Variants in DMD observed in about 807,000 individuals in gnomAD.
The protein encoded by DMD is mutant dystrophin.
DMD carries 63 observed loss-of-function variants against 330.1 expected under a neutral mutation model. The ratio of observed to expected loss-of-function variants is 0.19; its 90% CI spans 0.16 to 0.24. DMD has a LOEUF of 0.24. Ranked by LOEUF, DMD falls within the 10% of genes least tolerant of loss-of-function variation. The probability of loss-of-function intolerance (pLI) is 1.00; values close to 1 mark genes in which losing one functional copy is unlikely to be tolerated. For synonymous variants in DMD, 1,223 were observed against 959.8 expected, an observed-to-expected ratio of 1.27 and a Z score of -5.07; for missense variants, 3,344 against 2,684.1, an observed-to-expected ratio of 1.25 and a Z score of -5.43.
chrX:31,204,363 C>A (rs2043840260), intron 66 of DMD, among the ~76,000 whole-genome samples: 1 of 112,810 alleles, frequency 8.9e-6, no homozygotes, highest in Admixed American at 9.4e-5. Flanking sequence ...GAAGCGCAAG[C>A]TTACACGTAC....
chrX:31,241,438 A>G lies in DMD; in HGVS notation c.9287-18317T>C, dbSNP rs758666484. ...GGCAGCACATACATTTATATGAGCC[A>G]CCAAAAATAAATTTTTCTAAGAAGA... On this transcript the variant is annotated intron_variant, in intron 63 of 78. Coordinates refer to ENST00000357033, the MANE Select transcript of DMD (RefSeq NM_004006.3). Among the ~76,000 whole-genome samples, 7 of 112,168 alleles carry G rather than the reference A, an allele frequency of 6.2e-5. No homozygotes were observed. In the South Asian group the frequency reaches 2.6e-3, roughly 42 times the overall value.
chrX:33,228,598 A>G (rs1056514009), intron 1 of DMD, among the ~76,000 whole-genome samples: 1 of 110,315 alleles, frequency 9.1e-6, no homozygotes, highest in African/African-American at 3.3e-5. Context: ...TACATTTTTA[A>G]ATAGAAGCAA....
intron 51 of DMD, among the ~76,000 whole-genome samples, chrX:31,732,654 T>C (rs148491655): frequency 2.2e-3 from 243 of 110,928 alleles, no homozygotes; most frequent in African/African-American, 7.6e-3. Flanking sequence ...ACACCTTAGA[T>C]CTAATCATTA....
At chrX:32,557,309 C>A (rs184690809) in intron 16 of DMD, among the ~76,000 whole-genome samples, 106 of 111,661 alleles carry the variant, frequency 9.5e-4, no homozygotes, top group Non-Finnish European at 1.6e-3. Flanking sequence ...TATTTGTATG[C>A]ATACACACAC....
chrX:31,121,239 A>AGATATAT lies in DMD; in HGVS notation c.*673_*679dup, dbSNP rs1384744442. ...AGTATTTATATACTTATAGACATATAGATATATGAAATGAAAACTCAAGCC... is the reference window on the plus strand; with the variant it reads ...AGTATTTATATACTTATAGACATATAGATATATGATATATGAAATGAAAACTCAAGCC... On this transcript the variant is annotated 3_prime_UTR_variant, in exon 79 of 79. Coordinates refer to ENST00000357033, the MANE Select transcript of DMD (RefSeq NM_004006.3). 8.8e-6 allele frequency: 1 copy of AGATATAT among 113,093 alleles called. No homozygotes were observed. Among genetic ancestry groups the AGATATAT allele is most frequent in the Non-Finnish European group, 1.9e-5 (1 of 53,924 alleles). The allele number at this position is 113,093 out of a possible 1,213,427, so 9.3% of individuals were successfully genotyped here. A position where few individuals can be genotyped will look rare whatever the true frequency, so the allele number is the denominator to read the frequency against.
chrX:32,891,921 C>G lies in DMD; in HGVS notation c.94-42101G>C. Among the ~76,000 whole-genome samples the G allele has an allele frequency of 1.8e-5, 2 of 111,234 alleles. 1 individual carries two copies. Among genetic ancestry groups the G allele is most frequent in the Middle Eastern group, 9.4e-3 (2 of 213 alleles). On this transcript the variant is annotated intron_variant, in intron 2 of 78. Transcript: ENST00000357033. ...CAGACCTGGAATCCTGCCATCCTCT[C>G]GCGTCATAGTTTGGGGGTTACTGCC...
intron 44 of DMD, among the ~76,000 whole-genome samples, chrX:32,178,607 C>A (rs1450716203): frequency 1.8e-5 from 2 of 110,371 alleles, no homozygotes; most frequent in Middle Eastern, 4.8e-3. Context: ...ACCTACATTG[C>A]CCCATTTCCT....
intron 4 of DMD, among the ~76,000 whole-genome samples, chrX:32,843,126 G>T (rs1400269177): frequency 3.6e-5 from 4 of 112,045 alleles, no homozygotes; most frequent in Non-Finnish European, 7.5e-5. Context: ...TTTTCTTTAT[G>T]CAGGATTGAG....
At chrX:31,942,451 CT>C (rs2095019849) in intron 45 of DMD, among the ~76,000 whole-genome samples, 1 of 112,217 alleles carries the variant, frequency 8.9e-6, no homozygotes, top group Non-Finnish European at 1.9e-5. Flanking sequence ...ACTTCTATTT[CT>C]TCATCTTTCT....
Position 31,929,676 on chromosome X carries a change from G to T in DMD, c.6832C>A (p.Leu2278Ile). Residue 2278 changes from leucine to isoleucine, a missense_variant, in exon 47 of 79, where the codon CTT becomes ATT. Leu to Ile is a conservative substitution (Grantham distance 5, BLOSUM62 2). Transcript: ENST00000357033. ...TCTGGGCTTATGGGAGCACTTACAAGCACGGGTCCTCCAGTTTCATTTAAT... is the reference window on the plus strand; with the variant it reads ...TCTGGGCTTATGGGAGCACTTACAATCACGGGTCCTCCAGTTTCATTTAAT... ...KQLNETGGPV[L>I]VSAPISPEEQ... 8.3e-7 allele frequency: 1 copy of T among 1,211,166 alleles called. No homozygotes were observed. Among genetic ancestry groups the T allele is most frequent in the Non-Finnish European group, 1.1e-6 (1 of 895,162 alleles).
intron 7 of DMD, among the ~76,000 whole-genome samples, chrX:32,787,667 C>G (rs1008199764): frequency 2.7e-5 from 3 of 110,880 alleles, no homozygotes; most frequent in Admixed American, 9.7e-5. Flanking sequence ...ATAAAAGTTA[C>G]GTGAATGTGG....
chrX:33,208,011 CCT>C (rs1402370653), intron 1 of DMD, among the ~76,000 whole-genome samples: 1 of 111,404 alleles, frequency 9.0e-6, no homozygotes, highest in Non-Finnish European at 1.9e-5. Flanking sequence ...AAAACCATTG[CCT>C]CTCTCTGAAT....
intron 50 of DMD, among the ~76,000 whole-genome samples, chrX:31,774,917 T>C (rs983970710): frequency 8.9e-6 from 1 of 111,771 alleles, no homozygotes; most frequent in East Asian, 2.8e-4. Context: ...TTGGACACTG[T>C]AGAGTAAGTC....
Position 33,014,821 on chromosome X carries a change from GTTTATATGA to G in DMD, c.93+5309_93+5317del, listed in dbSNP as rs60956459. On this transcript the variant is annotated intron_variant, in intron 2 of 78. Transcript: ENST00000357033. ...AATGACAAAAATGGGAATATTTTGT[GTTTATATGA>G]TTTACTATTTATAATGCCCTTTTAT... 0.097 allele frequency among the ~76,000 whole-genome samples: 10,771 copies of G among 110,790 alleles called. 752 individuals are homozygous for G. The highest frequency in any genetic ancestry group is 0.23 in the African/African-American group (6,859 of 30,412).
rs761858233 is a variant in DMD at position 31,510,576 on chromosome X, T to C, written c.8218-3123A>G. ...AGGCTGGAGCACAGTGGCGCGATCT[T>C]GGCTCACTGCAAGCTCCGCCTCCCA... On this transcript the variant is annotated intron_variant, in intron 55 of 78. Transcript: ENST00000357033. 3.6e-3 allele frequency among the ~76,000 whole-genome samples: 370 copies of C among 103,960 alleles called. 2 individuals are homozygous for C. Among genetic ancestry groups the C allele is most frequent in the African/African-American group, 0.01 (286 of 27,911 alleles). The allele number at this position is 103,960 out of a possible 115,157, so 90.3% of individuals were successfully genotyped here. A position where few individuals can be genotyped will look rare whatever the true frequency, so the allele number is the denominator to read the frequency against.
intron 7 of DMD, among the ~76,000 whole-genome samples, chrX:32,754,679 C>T (rs1603361580): frequency 9.0e-6 from 1 of 111,562 alleles, no homozygotes; most frequent in South Asian, 3.7e-4. Flanking sequence ...ACAAACTTAT[C>T]GCAGATTTAA....
chrX:32,589,082 T>A (rs2054599038), intron 13 of DMD, among the ~76,000 whole-genome samples: 1 of 111,751 alleles, frequency 8.9e-6, no homozygotes, highest in African/African-American at 3.3e-5. Flanking sequence ...CTTCTGATAT[T>A]ATGACATTTT....
At chrX:32,377,240 C>T (rs2097906879) in intron 34 of DMD, among the ~76,000 whole-genome samples, 1 of 111,750 alleles carries the variant, frequency 8.9e-6, no homozygotes, top group Non-Finnish European at 1.9e-5. Context: ...CCCTATAAAA[C>T]ATTCTCACTT....
chrX:31,559,136 CAGTA>C (rs2075030404), intron 55 of DMD, among the ~76,000 whole-genome samples: 1 of 112,254 alleles, frequency 8.9e-6, no homozygotes, highest in Admixed American at 9.4e-5. Flanking sequence ...AGCTATTATT[CAGTA>C]AGTGAGTCCA....
Sources: allele counts gnomAD v4.1 joint callset (sites outside exome capture counted in the v4.1 genomes callset), GRCh38; gene constraint gnomAD v4.1.1; transcripts MANE v1.5; gene names NCBI Gene and HGNC (gene_info 2026-07-23, HGNC 2026-07-21).